The following KIAA1671 variants were observed in gnomAD, a reference collection of about 807,000 sequenced individuals.
KIAA1671 encodes KIAA1671, also known as uncharacterized protein KIAA1671.
Under a neutral mutation model 131.2 loss-of-function variants are expected in KIAA1671, and 52 were observed. That is an observed-to-expected ratio of 0.40 (90% CI 0.32 to 0.50). The LOEUF (loss-of-function observed/expected upper bound fraction) is 0.50. Among genes scored for constraint, KIAA1671 ranks in the 20% least tolerant of loss-of-function variants. The probability of loss-of-function intolerance (pLI) is 0.73; values close to 1 mark genes in which losing one functional copy is unlikely to be tolerated. For synonymous variants in KIAA1671, 1,003 were observed against 961.6 expected (o/e 1.04, Z -0.80); for missense variants, 2,360 against 2,364.2 (o/e 1.00, Z 0.04).
chr22:25,169,457 T>G (rs1217321664), intron 6 of KIAA1671, among the ~76,000 whole-genome samples: 1 of 147,918 alleles, frequency 6.8e-6, no homozygotes, highest in Non-Finnish European at 1.5e-5. Context: ...GAGAGCGTCA[T>G]TCAAAGCTTC....
chr22:25,029,638 T>A, intron 3 of KIAA1671, 98 bp downstream of exon 3: 1 of 856,990 alleles, frequency 1.2e-6, no homozygotes, highest in Non-Finnish European at 1.7e-6. Flanking sequence ...TCACCCCCCC[T>A]CAGTTTACCC....
chr22:24,974,685 CTTTTTTTTTT>C (rs34171375), intron 1 of KIAA1671, among the ~76,000 whole-genome samples: 1 of 81,258 alleles, frequency 1.2e-5, no homozygotes, highest in African/African-American at 5.4e-5. Context: ...CAGCTCACCT[CTTTTTTTTTT>C]TTTTTTTTTT....
Position 25,028,290 on chromosome 22 carries a change from C to G in KIAA1671, c.291C>G (p.Leu97=), listed in dbSNP as rs1403754937. The G allele has an allele frequency of 2.6e-6, 4 of 1,551,104 alleles. No individual in the cohort carries two copies. In the African/African-American group the frequency reaches 5.5e-5, roughly 21 times the overall value. Residue 97 remains leucine (L), a synonymous_variant, in exon 3 of 13, where the codon CTC becomes CTG. Transcript: ENST00000358431. The part of the protein sequence containing the change: ...SSTGPSPSGG[L]SEEPAAKDLD... ...CTGGACCTTCCCCCTCTGGGGGGCT[C>G]TCTGAGGAGCCAGCAGCAAAGGATC...
chr22:25,153,872 G>T (rs1191644150), intron 6 of KIAA1671, among the ~76,000 whole-genome samples: 1 of 152,242 alleles, frequency 6.6e-6, no homozygotes, highest in Non-Finnish European at 1.5e-5. Context: ...GGGGAGCCAG[G>T]ATTGGAGCCC....
At chr22:25,052,034 G>T (rs5996820) in intron 6 of KIAA1671, 31,165 of 152,314 alleles carry the variant, frequency 0.2, 3,330 homozygotes, top group Middle Eastern at 0.27. Flanking sequence ...GGGGGAGCTG[G>T]AATGGAAACG....
At chr22:25,089,552 G>A (rs1019737629) in intron 6 of KIAA1671, among the ~76,000 whole-genome samples, 3 of 152,008 alleles carry the variant, frequency 2.0e-5, no homozygotes, top group Admixed American at 1.3e-4. Flanking sequence ...GGGATTACAG[G>A]AATAAGCCAC....
At chr22:24,968,039 C>T (rs1935499491) in intron 1 of KIAA1671, among the ~76,000 whole-genome samples, 1 of 152,110 alleles carries the variant, frequency 6.6e-6, no homozygotes, top group African/African-American at 2.4e-5. Context: ...GCTTTGGCAA[C>T]CAGTAGACCA....
intron 1 of KIAA1671, among the ~76,000 whole-genome samples, chr22:24,985,379 A>G (rs959175825): frequency 8.0e-5 from 12 of 150,344 alleles, no homozygotes; most frequent in East Asian, 2.0e-4. Context: ...TCGCTCTGTC[A>G]CCCAGGCTGG....
chr22:24,967,947 C>G (rs1323697348), intron 1 of KIAA1671, among the ~76,000 whole-genome samples: 2 of 152,086 alleles, frequency 1.3e-5, no homozygotes, highest in African/African-American at 4.8e-5. Context: ...GAACCGAGAT[C>G]ATGCCACTGC....
chr22:24,953,571 C>A (rs1921532786), intron 1 of KIAA1671, among the ~76,000 whole-genome samples: 1 of 151,990 alleles, frequency 6.6e-6, no homozygotes, highest in Non-Finnish European at 1.5e-5. Flanking sequence ...CAGGCAGGCC[C>A]GCGTGGTCCC....
intron 6 of KIAA1671, among the ~76,000 whole-genome samples, chr22:25,066,187 C>T (rs1928469714): frequency 6.6e-6 from 1 of 152,114 alleles, no homozygotes; most frequent in African/African-American, 2.4e-5. Context: ...CTGGCTCTGT[C>T]ATCCAGGCTG....
chr22:24,981,399 G>A (rs1372739568), intron 1 of KIAA1671, among the ~76,000 whole-genome samples: 1 of 152,154 alleles, frequency 6.6e-6, no homozygotes, highest in Non-Finnish European at 1.5e-5. Flanking sequence ...GTGTGTCTTT[G>A]GTGGGAGAAA....
Position 25,041,418 on chromosome 22 carries a change from G to C in KIAA1671, c.4288G>C (p.Glu1430Gln). 1 of 1,551,816 alleles carries C rather than the reference G, an allele frequency of 6.4e-7. No homozygotes were observed. Among genetic ancestry groups the C allele is most frequent in the African/African-American group, 1.4e-5 (1 of 73,188 alleles). ...CCTGTCCATCATGCATGAAGCCAGA[G>C]AGAGGAGGCGAGAGCAGCCCAAAGG... Reference protein sequence around the residue: ...EGLSIMHEARERRREQPKGRP... With the variant: ...EGLSIMHEARQRRREQPKGRP... Residue 1430 changes from glutamate to glutamine, a missense_variant, in exon 5 of 13, where the codon GAG becomes CAG. Physicochemically the swap from Glu to Gln is conservative, Grantham distance 29. Around this residue, in one of 3 missense-constraint regions of KIAA1671, gnomAD observed 1,161 missense variants for 1,204.7 expected, o/e 0.96. Transcript: ENST00000358431.
At chr22:25,042,267 A>T (rs2145809269) in intron 5 of KIAA1671, among the ~76,000 whole-genome samples, 1 of 152,316 alleles carries the variant, frequency 6.6e-6, no homozygotes, top group Non-Finnish European at 1.5e-5. Context: ...ATAATGATAG[A>T]TATCAATGGT....
chr22:25,190,358 T>TGGAG (rs1934630253), intron 11 of KIAA1671, among the ~76,000 whole-genome samples: 5 of 152,318 alleles, frequency 3.3e-5, no homozygotes, highest in African/African-American at 1.2e-4. Flanking sequence ...AGGTGGAATG[T>TGGAG]GAGTGATGGA....
intron 6 of KIAA1671, among the ~76,000 whole-genome samples, chr22:25,103,197 T>TC (rs899617867): frequency 2.0e-4 from 28 of 138,922 alleles, no homozygotes; most frequent in Admixed American, 6.0e-4. Flanking sequence ...CTTGGGCAAG[T>TC]CCCCCCCCAA....
intron 6 of KIAA1671, among the ~76,000 whole-genome samples, chr22:25,067,281 GTC>G: frequency 7.1e-6 from 1 of 141,212 alleles, no homozygotes; most frequent in East Asian, 2.2e-4. Flanking sequence ...ACCTTTGAAC[GTC>G]TCTTTTTATT....
At chr22:24,999,262 T>G (rs1924306465) in intron 1 of KIAA1671, among the ~76,000 whole-genome samples, 1 of 152,116 alleles carries the variant, frequency 6.6e-6, no homozygotes, top group Admixed American at 6.6e-5. Flanking sequence ...CACAATAGGG[T>G]CTTGCTCTGT....
rs796321980 is a variant in KIAA1671, at chr22:25,065,647, ATTT to A, written c.4530+16294_4530+16296del. ...TTAAAGAATTATTATTATTATTATTATTTTTTTTTTTTTGAGACAGTCTCGCTC... is the reference window on the plus strand; with the variant it reads ...TTAAAGAATTATTATTATTATTATTATTTTTTTTTTGAGACAGTCTCGCTC... On this transcript the variant is annotated intron_variant, in intron 6 of 12. Coordinates refer to ENST00000358431, the MANE Select transcript of KIAA1671 (RefSeq NM_001145206.2). Among the ~76,000 whole-genome samples, 407 of 148,308 alleles carry A rather than the reference ATTT, an allele frequency of 2.7e-3. 2 individuals are homozygous for A. Among genetic ancestry groups the A allele is most frequent in the African/African-American group, 9.4e-3 (384 of 40,878 alleles).
Sources: allele counts gnomAD v4.1 joint callset (sites outside exome capture counted in the v4.1 genomes callset), GRCh38; gene constraint gnomAD v4.1.1; regional missense constraint gnomAD v4.1.1; transcripts MANE v1.5; gene names NCBI Gene and HGNC (gene_info 2026-07-23, HGNC 2026-07-21).